The following CTNNA3 variants were observed in gnomAD, a reference collection of about 807,000 sequenced individuals.
CTNNA3 encodes the protein catenin alpha-3.
Under a neutral mutation model 95.7 loss-of-function variants are expected in CTNNA3, and 76 were observed. The ratio of observed to expected loss-of-function variants is 0.79; its 90% confidence interval spans 0.66 to 0.96. The LOEUF is 0.96. Among genes scored for constraint, CTNNA3 ranks in the 40% least tolerant of loss-of-function variants. The pLI is 0.00. For synonymous variants in CTNNA3, 431 were observed against 374.4 expected (o/e 1.15, Z -1.74); for missense variants, 1,191 against 1,089.8 (o/e 1.09, Z -1.31).
At chr10:66,638,254 T>C (rs1845400836) in intron 9 of CTNNA3, among the ~76,000 whole-genome samples, 1 of 152,166 alleles carries the variant, frequency 6.6e-6, no homozygotes, top group Non-Finnish European at 1.5e-5. Context: ...TTCCTGCAAG[T>C]GACTTGTTTT....
intron 11 of CTNNA3, among the ~76,000 whole-genome samples, chr10:66,429,750 T>A (rs1229383960): frequency 6.6e-6 from 1 of 152,122 alleles, no homozygotes; most frequent in Non-Finnish European, 1.5e-5. Context: ...ATGGGAAGTA[T>A]CTAAAAATAA....
chr10:66,687,207 A>G (rs1245919820), intron 9 of CTNNA3, among the ~76,000 whole-genome samples: 1 of 152,142 alleles, frequency 6.6e-6, no homozygotes, highest in African/African-American at 2.4e-5. Flanking sequence ...AAAAGAATGG[A>G]AAAATATATA....
At chr10:67,188,840 C>A (rs560558424) in intron 6 of CTNNA3, among the ~76,000 whole-genome samples, 10 of 151,958 alleles carry the variant, frequency 6.6e-5, no homozygotes, top group African/African-American at 2.2e-4. Flanking sequence ...CAGGGTGCAA[C>A]GAGTCATGCC....
chr10:66,030,865 C>T (rs2079435866), intron 15 of CTNNA3, among the ~76,000 whole-genome samples: 1 of 151,762 alleles, frequency 6.6e-6, no homozygotes, highest in Non-Finnish European at 1.5e-5. Flanking sequence ...GAGAACAACC[C>T]CATTAAAATG....
intron 1 of CTNNA3, among the ~76,000 whole-genome samples, chr10:67,708,233 A>G (rs1021211213): frequency 6.6e-6 from 1 of 152,148 alleles, no homozygotes; most frequent in African/African-American, 2.4e-5. Context: ...TAACCTTAAC[A>G]AGCAGAGTAA....
chr10:66,922,134 T>C (rs1846817867), intron 7 of CTNNA3, among the ~76,000 whole-genome samples: 1 of 152,212 alleles, frequency 6.6e-6, no homozygotes, highest in African/African-American at 2.4e-5. Flanking sequence ...TAAAAAGTCT[T>C]TAGATACATG....
At chr10:66,414,944 A>T (rs2132609168) in intron 11 of CTNNA3, among the ~76,000 whole-genome samples, 1 of 152,250 alleles carries the variant, frequency 6.6e-6, no homozygotes, top group Non-Finnish European at 1.5e-5. Flanking sequence ...ACAAGTGACC[A>T]CAGGCTTCTC....
At chr10:67,059,203 T>C (rs1444236601) in intron 7 of CTNNA3, among the ~76,000 whole-genome samples, 1 of 152,170 alleles carries the variant, frequency 6.6e-6, no homozygotes, top group Non-Finnish European at 1.5e-5. Flanking sequence ...CTCAAGTTGG[T>C]CACATTATAA....
intron 9 of CTNNA3, among the ~76,000 whole-genome samples, chr10:66,712,039 C>T (rs1029179091): frequency 1.7e-4 from 26 of 152,080 alleles, no homozygotes; most frequent in Non-Finnish European, 3.2e-4. Context: ...ACACCAAAAA[C>T]AAATTTTCCT....
In CTNNA3 at chr10:67,343,989, T is replaced by C. The variant is rs796838659; in HGVS notation, c.580-124119A>G. ...TAGTATAATACTATAGCTTTTATTA[T>C]GTTGAAGTATGCTCATTCTATACCC... On this transcript the variant is annotated intron_variant, in intron 5 of 17. Coordinates refer to ENST00000433211, the MANE Select transcript of CTNNA3 (RefSeq NM_013266.4). 2.7e-5 allele frequency among the ~76,000 whole-genome samples: 4 copies of C among 150,006 alleles called. No homozygotes were observed. In the East Asian group the frequency reaches 5.8e-4, roughly 22 times the overall value.
chr10:67,708,977 CTT>C (rs1491271826), intron 1 of CTNNA3, among the ~76,000 whole-genome samples: 1 of 151,138 alleles, frequency 6.6e-6, no homozygotes, highest in African/African-American at 2.4e-5. Flanking sequence ...TTATATATAT[CTT>C]ATATATATGT....
intron 7 of CTNNA3, among the ~76,000 whole-genome samples, chr10:67,174,131 T>C (rs573191504): frequency 4.6e-5 from 7 of 152,312 alleles, no homozygotes; most frequent in African/African-American, 1.4e-4. Context: ...TATTTCATTC[T>C]CCTCCTGTGC....
chr10:66,717,995 T>C (rs1373271727), intron 9 of CTNNA3, among the ~76,000 whole-genome samples: 1 of 152,154 alleles, frequency 6.6e-6, no homozygotes, highest in Non-Finnish European at 1.5e-5. Flanking sequence ...CATGATTATA[T>C]ATTACAGACA....
At chr10:66,328,909 TAC>T (rs1254540113) in intron 12 of CTNNA3, among the ~76,000 whole-genome samples, 3 of 76,190 alleles carry the variant, frequency 3.9e-5, no homozygotes, top group Non-Finnish European at 8.1e-5. Context: ...CACACATATA[TAC>T]ATATATATAT....
At chr10:66,476,113 C>T (rs1839316891) in intron 11 of CTNNA3, among the ~76,000 whole-genome samples, 1 of 152,038 alleles carries the variant, frequency 6.6e-6, no homozygotes, top group Non-Finnish European at 1.5e-5. Flanking sequence ...AAGGCAGGAA[C>T]AGAAAACCGA....
chr10:66,855,996 C>T (rs10997421), intron 7 of CTNNA3, among the ~76,000 whole-genome samples: 70,281 of 151,684 alleles, frequency 0.46, 17,033 homozygotes, highest in Non-Finnish European at 0.53. Flanking sequence ...AAATTGCATG[C>T]TTCAGGGGTT....
At chr10:67,324,145 T>C (rs1004030166) in intron 5 of CTNNA3, among the ~76,000 whole-genome samples, 2 of 152,208 alleles carry the variant, frequency 1.3e-5, no homozygotes, top group African/African-American at 4.8e-5. Flanking sequence ...TGAAGTTTTC[T>C]AGTTATAGGA....
intron 7 of CTNNA3, among the ~76,000 whole-genome samples, chr10:66,838,899 G>C (rs1019320300): frequency 1.3e-4 from 20 of 152,194 alleles, no homozygotes; most frequent in Middle Eastern, 3.2e-3. Context: ...GTGCTTATAA[G>C]AAGTTGGACA....
chr10:66,835,352 C>G (rs1842852470), intron 7 of CTNNA3, among the ~76,000 whole-genome samples: 3 of 152,178 alleles, frequency 2.0e-5, no homozygotes, highest in Admixed American at 2.0e-4. Flanking sequence ...CACCTGGGAA[C>G]TTGTTTAGAA....
Sources: allele counts gnomAD v4.1 joint callset (sites outside exome capture counted in the v4.1 genomes callset), GRCh38; gene constraint gnomAD v4.1.1; transcripts MANE v1.5; gene names NCBI Gene and HGNC (gene_info 2026-07-23, HGNC 2026-07-21).